RPS6KB1: variants seen among roughly 807,000 people sequenced by gnomAD.
RPS6KB1 encodes ribosomal protein S6 kinase beta-1.
Under a neutral mutation model 70.2 loss-of-function variants are expected in RPS6KB1, and 12 were observed. The observed-to-expected ratio is 0.17, with a 90% CI of 0.11 to 0.28. The LOEUF (loss-of-function observed/expected upper bound fraction) is 0.28. Ranked by LOEUF, RPS6KB1 falls within the 10% of genes least tolerant of loss-of-function variation. RPS6KB1 has a pLI of 1.00. For synonymous variants in RPS6KB1, 175 were observed against 211.2 expected (o/e 0.83, Z 1.49); for missense variants, 270 against 646.6 (o/e 0.42, Z 6.32).
intron 4 of RPS6KB1, among the ~76,000 whole-genome samples, chr17:59,921,240 G>A (rs557182015): frequency 6.6e-6 from 1 of 152,190 alleles, no homozygotes; most frequent in African/African-American, 2.4e-5. Flanking sequence ...AGGGATCCAG[G>A]ACCTAAGCTG....
rs141816351 is a variant in RPS6KB1, at chr17:59,915,402, A to G, written c.381+699A>G. Among the ~76,000 whole-genome samples, 591 of 152,140 alleles carry G rather than the reference A, an allele frequency of 3.9e-3. 1 individual carries two copies. Among genetic ancestry groups the G allele is most frequent in the Admixed American group, 0.011 (171 of 15,264 alleles). ...GAGTGTGGAAAAGAGAGCTCTTGCA[A>G]TTCTTTGCTGAGGTAACTCTTCACT... On this transcript the variant is annotated intron_variant, in intron 4 of 14. Coordinates refer to ENST00000225577, the MANE Select transcript of RPS6KB1 (RefSeq NM_003161.4).
Position 59,910,610 on chromosome 17 carries a change from C to A in RPS6KB1, c.190C>A (p.Leu64Ile), listed in dbSNP as rs967994179. Residue 64 changes from leucine (L) to isoleucine (I), a missense_variant and splice_region_variant, in exon 2 of 15, where the codon CTT becomes ATT. By Grantham distance (5) the Leu-to-Ile change is conservative (BLOSUM62 2). Coordinates refer to ENST00000225577, the MANE Select transcript of RPS6KB1 (RefSeq NM_003161.4). ...CCATGGGGGAGTTGGACCATATGAA[C>A]TGTAAGTTTATATGAAGAGATTTTC... ...MDHGGVGPYE[L>I]GMEHCEKFEI... 2.5e-6 allele frequency: 4 copies of A among 1,572,664 alleles called. No individual in the cohort carries two copies. In the Admixed American group the frequency reaches 5.3e-5, roughly 21 times the overall value.
chr17:59,932,330 T>C (rs397843562), intron 7 of RPS6KB1, among the ~76,000 whole-genome samples: 2 of 151,918 alleles, frequency 1.3e-5, no homozygotes, highest in African/African-American at 4.8e-5. Flanking sequence ...GAGAATCGCC[T>C]GAACCCAGGA....
chr17:59,906,321 A>G (rs1449151230), intron 1 of RPS6KB1, among the ~76,000 whole-genome samples: 1 of 152,038 alleles, frequency 6.6e-6, no homozygotes, highest in Non-Finnish European at 1.5e-5. Flanking sequence ...TTCTTTTTCA[A>G]GATTGTATCA....
chr17:59,895,197 T>C (rs1477421251), intron 1 of RPS6KB1, among the ~76,000 whole-genome samples: 1 of 149,496 alleles, frequency 6.7e-6, no homozygotes, highest in Non-Finnish European at 1.5e-5. Context: ...ATTTTTTGTA[T>C]TTTTAGTAGA....
At chr17:59,945,123 A>G (rs143652) in intron 13 of RPS6KB1, 32,730 of 237,838 alleles carry the variant, frequency 0.14, 2,575 homozygotes, top group Middle Eastern at 0.18. Context: ...CTTCATATGG[A>G]GCCTGAATTT....
At chr17:59,941,635 A>ATTT (rs1382781597) in intron 13 of RPS6KB1, among the ~76,000 whole-genome samples, 8 of 134,350 alleles carry the variant, frequency 6.0e-5, no homozygotes, top group African/African-American at 1.7e-4. Context: ...TAAGTAGGGG[A>ATTT]TTTTTTTTTT....
intron 2 of RPS6KB1, chr17:59,912,058 G>T (rs2042674820): frequency 6.6e-6 from 1 of 152,474 alleles, no homozygotes; most frequent in Non-Finnish European, 1.5e-5. Flanking sequence ...TTTCAATGAA[G>T]TAAATTTGAA....
Position 59,946,929 on chromosome 17 carries a change from A to G in RPS6KB1, c.*141A>G. 6.7e-7 allele frequency: 1 copy of G among 1,486,124 alleles called. No homozygotes were observed. The highest frequency in any genetic ancestry group is 8.9e-7 in the Non-Finnish European group (1 of 1,120,640). 92.1% of individuals were successfully genotyped at this position (1,486,124 alleles called of 1,614,324 possible). ...AGAACACTTCAGACACAGGAAAAAT[A>G]AACGTGGATTTTAAAAAATCAATCA... On this transcript the variant is annotated 3_prime_UTR_variant, in exon 15 of 15. Transcript: ENST00000225577. This position sits in a 1 kb window ranked among gnomAD's most constrained non-coding sequence, Gnocchi z 4.2.
At chr17:59,928,384 TTTTC>T (rs1026834010) in intron 5 of RPS6KB1, among the ~76,000 whole-genome samples, 1 of 132,264 alleles carries the variant, frequency 7.6e-6, no homozygotes, top group South Asian at 2.5e-4. Context: ...CTTTCTTTTC[TTTTC>T]TTTTTTTTTT....
intron 4 of RPS6KB1, among the ~76,000 whole-genome samples, chr17:59,921,856 A>G (rs1198382082): frequency 1.3e-5 from 2 of 152,168 alleles, no homozygotes; most frequent in African/African-American, 4.8e-5. Context: ...TTGCGGTTTC[A>G]TAGAACAATA....
chr17:59,901,461 TAA>T (rs77992185), intron 1 of RPS6KB1, among the ~76,000 whole-genome samples: 5 of 137,108 alleles, frequency 3.6e-5, no homozygotes, highest in Admixed American at 7.4e-5. Flanking sequence ...GACTCCATCT[TAA>T]AAAAAAAAAA....
chr17:59,927,284 A>G (rs1234082360), intron 5 of RPS6KB1, among the ~76,000 whole-genome samples: 2 of 151,978 alleles, frequency 1.3e-5, no homozygotes, highest in East Asian at 3.9e-4. Flanking sequence ...GGGTTTCACC[A>G]TGTTGGTCAG....
chr17:59,941,209 A>G (rs9789060), intron 13 of RPS6KB1, among the ~76,000 whole-genome samples: 25,269 of 152,098 alleles, frequency 0.17, 2,443 homozygotes, highest in East Asian at 0.39. Flanking sequence ...CACAGACTTA[A>G]AATGATGTTT....
intron 5 of RPS6KB1, among the ~76,000 whole-genome samples, chr17:59,928,830 G>A (rs2043773310): frequency 6.6e-6 from 1 of 152,148 alleles, no homozygotes; most frequent in East Asian, 1.9e-4. Flanking sequence ...GGACAGGCCA[G>A]TTAGTTTGTA....
rs548397908 is a variant in RPS6KB1, at chr17:59,944,887, C to T, written c.1228-519C>T. Among the ~76,000 whole-genome samples the T allele has an allele frequency of 1.8e-4, 28 of 151,626 alleles. No individual in the cohort carries two copies. In the East Asian group the frequency reaches 5.1e-3, roughly 27 times the overall value. ...GATCTCTGCTCACTGCAACCTCCACCTACCAGGTTCAAGTGATCCTCCTGC... is the reference window on the plus strand; with the variant it reads ...GATCTCTGCTCACTGCAACCTCCACTTACCAGGTTCAAGTGATCCTCCTGC... On this transcript the variant is annotated intron_variant, in intron 13 of 14. Transcript: ENST00000225577.
chr17:59,942,548 C>T (rs1286902988), intron 13 of RPS6KB1, among the ~76,000 whole-genome samples: 2 of 151,920 alleles, frequency 1.3e-5, no homozygotes, highest in African/African-American at 4.8e-5. Context: ...TGTTTTTGGA[C>T]TACTCTAGGG....
chr17:59,945,139 T>A (rs904256035), intron 13 of RPS6KB1: 1 of 256,746 alleles, frequency 3.9e-6, no homozygotes, highest in African/African-American at 2.2e-5. Context: ...AATTTTCCTG[T>A]TTTTTTTTCT....
intron 2 of RPS6KB1, among the ~76,000 whole-genome samples, chr17:59,911,246 G>T (rs2526353): frequency 0.17 from 25,544 of 152,242 alleles, 2,474 homozygotes; most frequent in East Asian, 0.39. Flanking sequence ...TGATTAATCT[G>T]CTCTGTATTG....
Sources: gnomAD v4.1 joint callset for allele counts (sites outside exome capture counted in the v4.1 genomes callset) on GRCh38, gnomAD v4.1.1 for gene constraint, Gnocchi (gnomAD v3.1) non-coding constraint, MANE v1.5 for transcripts, NCBI Gene and HGNC (gene_info 2026-07-23, HGNC 2026-07-21) for gene names.